Variants in CLSTN2 observed in about 807,000 individuals in gnomAD.
The protein encoded by CLSTN2 is calsyntenin-2.
Under a neutral mutation model 101.2 loss-of-function variants are expected in CLSTN2, and 48 were observed. That is an observed-to-expected ratio of 0.47 (90% CI 0.38 to 0.60). CLSTN2 has a LOEUF of 0.60. Ranked by LOEUF, CLSTN2 falls within the 20% of genes least tolerant of loss-of-function variation. The probability of loss-of-function intolerance (pLI) is 0.00; values close to 1 mark genes in which losing one functional copy is unlikely to be tolerated. For synonymous variants in CLSTN2, 481 were observed against 463.6 expected (o/e 1.04, Z -0.48); for missense variants, 1,160 against 1,238.2 (o/e 0.94, Z 0.95).
At chr3:140,230,083 A>G (rs755461254) in intron 2 of CLSTN2, among the ~76,000 whole-genome samples, 14 of 152,028 alleles carry the variant, frequency 9.2e-5, no homozygotes, top group Non-Finnish European at 4.4e-5. Context: ...CCCCAGGGTA[A>G]GACTTGTAAA....
intron 9 of CLSTN2, among the ~76,000 whole-genome samples, chr3:140,533,993 T>C (rs1935312236): frequency 6.6e-6 from 1 of 152,152 alleles, no homozygotes; most frequent in South Asian, 2.1e-4. Context: ...GTTTATTAAA[T>C]ATTTCAGTAG....
At chr3:140,194,787 T>C in intron 2 of CLSTN2, among the ~76,000 whole-genome samples, 1 of 152,198 alleles carries the variant, frequency 6.6e-6, no homozygotes, top group East Asian at 1.9e-4. Context: ...GAGTGGAAGT[T>C]CCAGCTTCTC....
chr3:140,204,884 G>T (rs188679438), intron 2 of CLSTN2, among the ~76,000 whole-genome samples: 75 of 152,290 alleles, frequency 4.9e-4, no homozygotes, highest in Admixed American at 3.3e-3. Context: ...CTGGCTATAT[G>T]AGGCCACTGG....
chr3:140,166,864 T>C (rs1414707156), intron 1 of CLSTN2, among the ~76,000 whole-genome samples: 1 of 152,120 alleles, frequency 6.6e-6, no homozygotes, highest in Non-Finnish European at 1.5e-5. Flanking sequence ...AGCCTCCAGA[T>C]GGGATGTGCA....
intron 2 of CLSTN2, among the ~76,000 whole-genome samples, chr3:140,262,543 A>C (rs1281031299): frequency 6.6e-6 from 1 of 152,192 alleles, no homozygotes; most frequent in Admixed American, 6.5e-5. Flanking sequence ...TGGGGAGTGA[A>C]AAAGTGGCAA....
rs78666125 is a variant in CLSTN2, at chr3:140,501,914, G to T, written c.1345-30410G>T. On this transcript the variant is annotated intron_variant, in intron 8 of 16. Transcript: ENST00000458420. The stretch of plus-strand genomic sequence containing the variant: ...GCTCCCAAGGGATGCCTGTGCTGCT[G>T]GTTCATGGCCCACAGTTCAAACAGC... 9.6e-3 allele frequency among the ~76,000 whole-genome samples: 1,464 copies of T among 152,238 alleles called. 18 individuals are homozygous for T. The highest frequency in any genetic ancestry group is 0.033 in the African/African-American group (1,368 of 41,526).
At chr3:140,220,917 G>A (rs1559810177) in intron 2 of CLSTN2, among the ~76,000 whole-genome samples, 1 of 152,188 alleles carries the variant, frequency 6.6e-6, no homozygotes, top group Non-Finnish European at 1.5e-5. Flanking sequence ...TAGGTGGTGA[G>A]TTAAACATTG....
At chr3:139,955,809 T>A (rs1935384411) in intron 1 of CLSTN2, among the ~76,000 whole-genome samples, 1 of 152,152 alleles carries the variant, frequency 6.6e-6, no homozygotes, top group Admixed American at 6.5e-5. Flanking sequence ...ATAGGGGACA[T>A]TCGTTTCTTG....
intron 1 of CLSTN2, among the ~76,000 whole-genome samples, chr3:140,084,490 G>A (rs2008648767): frequency 6.6e-6 from 1 of 152,150 alleles, no homozygotes; most frequent in Non-Finnish European, 1.5e-5. Flanking sequence ...GCATTCAAAT[G>A]TATGATAGCT....
chr3:140,012,236 G>C lies in CLSTN2; in HGVS notation c.109+76753G>C, dbSNP rs897939679. Among the ~76,000 whole-genome samples, 5 of 152,082 alleles carry C rather than the reference G, an allele frequency of 3.3e-5. 1 individual carries two copies. The highest frequency in any genetic ancestry group is 3.3e-4 in the Admixed American group (5 of 15,272). ...AGAGAAGGGAGGAAGGAAGGGAGAG[G>C]GAAACAGGTGATAGCAATTGAGTAA... On this transcript the variant is annotated intron_variant, in intron 1 of 16. Coordinates refer to ENST00000458420, the MANE Select transcript of CLSTN2 (RefSeq NM_022131.3).
chr3:140,212,272 G>A (rs554413753), intron 2 of CLSTN2, among the ~76,000 whole-genome samples: 1 of 152,332 alleles, frequency 6.6e-6, no homozygotes, highest in South Asian at 2.1e-4. Flanking sequence ...GATCTGTCCA[G>A]TGTTAAAATG....
At chr3:140,097,013 C>T (rs1375559512) in intron 1 of CLSTN2, among the ~76,000 whole-genome samples, 1 of 152,138 alleles carries the variant, frequency 6.6e-6, no homozygotes, top group Non-Finnish European at 1.5e-5. Flanking sequence ...TTCTCTAAGC[C>T]TTGGTTTCTT....
intron 1 of CLSTN2, among the ~76,000 whole-genome samples, chr3:140,001,792 G>A (rs2006847521): frequency 6.6e-6 from 1 of 150,872 alleles, no homozygotes; most frequent in African/African-American, 2.4e-5. Flanking sequence ...CCAACCTCTG[G>A]TAAACATCCT....
At chr3:140,078,596 A>G (rs1005284913) in intron 1 of CLSTN2, among the ~76,000 whole-genome samples, 2 of 152,154 alleles carry the variant, frequency 1.3e-5, no homozygotes, top group African/African-American at 4.8e-5. Flanking sequence ...TGACACACAA[A>G]AGAGGGCGGG....
intron 2 of CLSTN2, among the ~76,000 whole-genome samples, chr3:140,304,609 C>G (rs534981607): frequency 3.9e-5 from 6 of 152,342 alleles, no homozygotes; most frequent in Admixed American, 1.3e-4. Flanking sequence ...ATATTGGGAG[C>G]TAGGGCTTCA....
At chr3:140,216,831 A>G (rs2010926723) in intron 2 of CLSTN2, among the ~76,000 whole-genome samples, 1 of 152,244 alleles carries the variant, frequency 6.6e-6, no homozygotes, top group Non-Finnish European at 1.5e-5. Flanking sequence ...GACCAGGCAG[A>G]AAAACCTGGG....
At chr3:140,069,275 C>T (rs2107776103) in intron 1 of CLSTN2, among the ~76,000 whole-genome samples, 1 of 152,290 alleles carries the variant, frequency 6.6e-6, no homozygotes, top group East Asian at 1.9e-4. Flanking sequence ...GGTCTGGAGT[C>T]AGTGGCTGCC....
intron 2 of CLSTN2, among the ~76,000 whole-genome samples, chr3:140,327,603 C>T (rs1043416507): frequency 2.0e-5 from 3 of 152,218 alleles, no homozygotes. Context: ...ACTTTGGAGT[C>T]ACACAGCACT....
At chr3:140,282,291 T>G (rs772205309) in intron 2 of CLSTN2, among the ~76,000 whole-genome samples, 2 of 152,152 alleles carry the variant, frequency 1.3e-5, no homozygotes, top group Non-Finnish European at 2.9e-5. Flanking sequence ...TAAACTAGGT[T>G]CTTAACCCAC....
Sources: allele counts gnomAD v4.1 joint callset (sites outside exome capture counted in the v4.1 genomes callset), GRCh38; gene constraint gnomAD v4.1.1; transcripts MANE v1.5; gene names NCBI Gene and HGNC (gene_info 2026-07-23, HGNC 2026-07-21).